The following POF1B variants were observed in gnomAD, a reference collection of about 807,000 sequenced individuals.
The protein encoded by POF1B is protein POF1B.
POF1B carries 53 observed loss-of-function variants against 55.3 expected under a neutral mutation model. The observed-to-expected ratio is 0.96, with a 90% CI of 0.77 to 1.20. The LOEUF is 1.20. Among genes scored for constraint, POF1B ranks in the 50% most tolerant of loss-of-function variants. The pLI is 0.00. For synonymous variants in POF1B, 188 were observed against 148.3 expected (o/e 1.27, Z -1.95); for missense variants, 478 against 420.5 (o/e 1.14, Z -1.20).
chrX:85,358,847 A>G (rs1279035395), intron 4 of POF1B, among the ~76,000 whole-genome samples: 1 of 111,182 alleles, frequency 9.0e-6, no homozygotes, highest in African/African-American at 3.3e-5. Flanking sequence ...ATCTACTTAG[A>G]TAAATTAAAT....
chrX:85,306,110 G>A, intron 12 of POF1B, 71 bp downstream of exon 12: 1 of 1,043,026 alleles, frequency 9.6e-7, no homozygotes, highest in Non-Finnish European at 1.3e-6. Flanking sequence ...CAGTCCATAT[G>A]TTTTCTAAAT....
At chrX:85,347,776 T>G (rs1407409943) in intron 5 of POF1B, among the ~76,000 whole-genome samples, 1 of 111,415 alleles carries the variant, frequency 9.0e-6, no homozygotes, top group Non-Finnish European at 1.9e-5. Context: ...TAGACTCTTT[T>G]CAAATAGCAC....
At position 85,364,793 on chromosome X, in the gene POF1B, C is replaced by T. The variant is rs779099595; in HGVS notation, c.357+2899G>A. On this transcript the variant is annotated intron_variant, in intron 3 of 16. Transcript: ENST00000262753. ...GTATTTTCTAAATTTGACTGTTAGC[C>T]TCTCTAGCAAGGCTAGGGAAGTTTT... Among the ~76,000 whole-genome samples, 4 of 112,048 alleles carry T rather than the reference C, an allele frequency of 3.6e-5. No individual in the cohort carries two copies. In the South Asian group the frequency reaches 1.5e-3, roughly 41 times the overall value.
chrX:85,286,662 G>T (rs1331091344), intron 15 of POF1B, among the ~76,000 whole-genome samples: 1 of 111,342 alleles, frequency 9.0e-6, no homozygotes, highest in Non-Finnish European at 1.9e-5. Context: ...ATAAATATCA[G>T]ATGAAGTAGC....
In POF1B at chrX:85,289,892, TAAA is replaced by T. The variant is rs1413620471; in HGVS notation, c.1650-7578_1650-7576del. The stretch of plus-strand genomic sequence containing the variant: ...GACAGAAAATTATAAAACTTGCAAA[TAAA>T]GAAGAAATGCTGACACATAAAGGGA... On this transcript the variant is annotated intron_variant, in intron 15 of 16. Coordinates refer to ENST00000262753, the MANE Select transcript of POF1B (RefSeq NM_024921.4). Among the ~76,000 whole-genome samples the T allele has an allele frequency of 3.6e-5, 4 of 110,987 alleles. No individual in the cohort carries two copies. In the East Asian group the frequency reaches 1.1e-3, roughly 32 times the overall value.
chrX:85,327,664 G>A (rs1438883376), intron 7 of POF1B, among the ~76,000 whole-genome samples: 1 of 112,227 alleles, frequency 8.9e-6, no homozygotes, highest in Non-Finnish European at 1.9e-5. Context: ...TAGATGCAAA[G>A]TTGAAGCAAG....
intron 2 of POF1B, among the ~76,000 whole-genome samples, chrX:85,370,926 T>C: frequency 8.9e-6 from 1 of 112,234 alleles, no homozygotes; most frequent in East Asian, 2.8e-4. Context: ...ACCTAAATCC[T>C]TCATGTTGAA....
chrX:85,326,197 G>A (rs1932894639), intron 7 of POF1B, among the ~76,000 whole-genome samples: 1 of 112,107 alleles, frequency 8.9e-6, no homozygotes, highest in Admixed American at 9.4e-5. Context: ...CACATTCATT[G>A]GCTGCAACAT....
intron 16 of POF1B, among the ~76,000 whole-genome samples, chrX:85,281,036 T>C (rs1288588311): frequency 9.0e-6 from 1 of 110,603 alleles, no homozygotes; most frequent in African/African-American, 3.3e-5. Context: ...TTGCTAAATG[T>C]CCCGTAAGGT....
At chrX:85,325,420 C>T (rs1875583569) in intron 7 of POF1B, among the ~76,000 whole-genome samples, 1 of 111,762 alleles carries the variant, frequency 8.9e-6, no homozygotes, top group African/African-American at 3.3e-5. Context: ...TTTGGTGAGC[C>T]AGTCTTCAAG....
intron 13 of POF1B, 120 bp from the exon 14 acceptor site, chrX:85,304,591 A>ACGT: frequency 2.9e-6 from 1 of 344,669 alleles, no homozygotes; most frequent in Middle Eastern, 1.0e-3. Context: ...TAAAATACCA[A>ACGT]TAGTCATAAA....
rs1379793510 is a variant in POF1B at position 85,314,550 on chromosome X, T to C, written c.883-44A>G. On this transcript the variant is annotated intron_variant, in intron 8 of 16. Transcript: ENST00000262753. ...TATCCATGGAACAGATACATATCAA[T>C]CTTAAGATCAGCAATCCACAGACTT... 6 of 976,815 alleles carry C rather than the reference T, an allele frequency of 6.1e-6. No individual in the cohort carries two copies. The Admixed American group carries it at 1.5e-4, about 25-fold the overall frequency. 80.5% of individuals were successfully genotyped at this position (976,815 alleles called of 1,213,427 possible). A position where few individuals can be genotyped will look rare whatever the true frequency, so the allele number is the denominator to read the frequency against.
intron 7 of POF1B, among the ~76,000 whole-genome samples, chrX:85,317,341 A>C (rs1279953966): frequency 9.2e-6 from 1 of 108,809 alleles, no homozygotes; most frequent in African/African-American, 3.3e-5. Flanking sequence ...TTCTTGGACA[A>C]ATTGGCCAAA....
intron 12 of POF1B, 72 bp from the exon 13 acceptor site, chrX:85,305,982 TTATTAGATGA>T (rs1932564872): frequency 2.7e-6 from 3 of 1,102,718 alleles, no homozygotes. Context: ...ACAAGGATTG[TTATTAGATGA>T]AAACCACATG....
At chrX:85,326,698 G>A (rs1932901354) in intron 7 of POF1B, among the ~76,000 whole-genome samples, 1 of 109,630 alleles carries the variant, frequency 9.1e-6, no homozygotes, top group African/African-American at 3.3e-5. Flanking sequence ...GTTGGGGGTG[G>A]CCATGGGAGA....
intron 8 of POF1B, 82 bp downstream of exon 8, chrX:85,315,625 C>A (rs1932780604): frequency 1.1e-6 from 1 of 883,666 alleles, no homozygotes; most frequent in Non-Finnish European, 1.5e-6. Flanking sequence ...AGGTACTTAA[C>A]TGAAAGAATA....
intron 7 of POF1B, among the ~76,000 whole-genome samples, chrX:85,323,634 C>A (rs1450737126): frequency 9.2e-6 from 1 of 109,094 alleles, no homozygotes; most frequent in South Asian, 3.9e-4. Context: ...AAAAAAATGT[C>A]TATCTTTCTC....
chrX:85,305,217 GT>G (rs1195243957), intron 13 of POF1B, among the ~76,000 whole-genome samples: 4 of 111,402 alleles, frequency 3.6e-5, no homozygotes, highest in African/African-American at 1.3e-4. Context: ...AAATATTTAA[GT>G]ATATTTTACT....
At chrX:85,351,513 T>A in intron 4 of POF1B, 62 bp from the exon 5 acceptor site, 2 of 854,077 alleles carry the variant, frequency 2.3e-6, no homozygotes, top group Non-Finnish European at 3.4e-6. Flanking sequence ...TAACCTTAAA[T>A]TAGGCAAATA....
Sources: allele counts gnomAD v4.1 joint callset (sites outside exome capture counted in the v4.1 genomes callset), GRCh38; gene constraint gnomAD v4.1.1; transcripts MANE v1.5; gene names NCBI Gene and HGNC (gene_info 2026-07-23, HGNC 2026-07-21).